DOP1B: variants seen among roughly 807,000 people sequenced by gnomAD.
DOP1B encodes protein DOP1B.
DOP1B carries 174 observed loss-of-function variants against 233.5 expected under a neutral mutation model. That is an observed-to-expected ratio of 0.75 (90% CI 0.66 to 0.85). DOP1B has a LOEUF of 0.85. DOP1B is among the 40% of genes least tolerant of loss of function. DOP1B has a pLI of 0.00. For synonymous variants in DOP1B, 1,190 were observed against 1,185.6 expected (o/e 1.00, Z -0.08); for missense variants, 2,652 against 2,846.6 (o/e 0.93, Z 1.56).
At chr21:36,220,387 A>G (rs1306845109) in intron 10 of DOP1B, among the ~76,000 whole-genome samples, 1 of 152,234 alleles carries the variant, frequency 6.6e-6, no homozygotes, top group Non-Finnish European at 1.5e-5. Context: ...AAACCATAAA[A>G]CATTTTTACT....
intron 27 of DOP1B, 84 bp downstream of exon 27, chr21:36,270,241 A>G: frequency 6.8e-7 from 1 of 1,470,902 alleles, no homozygotes; most frequent in South Asian, 1.3e-5. Context: ...GAGTGTTCTC[A>G]CCACAAAAAG....
At position 36,200,508 on chromosome 21, in the gene DOP1B, G is replaced by C. The variant is rs751780174; in HGVS notation, c.491+7G>C. 5.0e-6 allele frequency: 8 copies of C among 1,599,518 alleles called. No homozygotes were observed. Among genetic ancestry groups the C allele is most frequent in the Non-Finnish European group, 6.8e-6 (8 of 1,174,750 alleles). ...GCTCCGAGATCTCCGACAGGTGCGT[G>C]GGCGTCTTGTCCAGGCTGTGTTTAC... On this transcript the variant is annotated splice_region_variant and intron_variant, in intron 4 of 36. Coordinates refer to ENST00000691173, the MANE Select transcript of DOP1B (RefSeq NM_001320714.2).
Position 36,174,349 on chromosome 21 carries a change from G to A in DOP1B, c.138+9478G>A, listed in dbSNP as rs147180867. Among the ~76,000 whole-genome samples, 18 of 152,276 alleles carry A rather than the reference G, an allele frequency of 1.2e-4. No homozygotes were observed. The East Asian group carries it at 2.5e-3, about 21-fold the overall frequency. Reference sequence around the variant, plus strand: ...CTAAAAATGCAAAAATTAGCCGGGCGTGATGGCAGGCACCTGTAATCCCAG... The same window carrying A: ...CTAAAAATGCAAAAATTAGCCGGGCATGATGGCAGGCACCTGTAATCCCAG... On this transcript the variant is annotated intron_variant, in intron 2 of 36. Coordinates refer to ENST00000691173, the MANE Select transcript of DOP1B (RefSeq NM_001320714.2).
chr21:36,239,038 G>A (rs1280736926), intron 17 of DOP1B, among the ~76,000 whole-genome samples: 2 of 152,142 alleles, frequency 1.3e-5, no homozygotes, highest in Admixed American at 6.5e-5. Context: ...GGGAGGCAAA[G>A]GTTGCAGTGA....
intron 2 of DOP1B, among the ~76,000 whole-genome samples, chr21:36,176,972 C>T (rs1181356195): frequency 1.3e-5 from 2 of 152,178 alleles, no homozygotes; most frequent in Non-Finnish European, 2.9e-5. Context: ...GCATGCGCCA[C>T]CACACCTGGC....
intron 2 of DOP1B, among the ~76,000 whole-genome samples, chr21:36,165,543 C>T (rs1161146267): frequency 2.0e-5 from 3 of 152,046 alleles, no homozygotes; most frequent in Non-Finnish European, 2.9e-5. Flanking sequence ...CGGTACCAGT[C>T]CGTGGCCTAT....
At chr21:36,247,198 C>T (rs2066977397) in intron 19 of DOP1B, among the ~76,000 whole-genome samples, 1 of 152,136 alleles carries the variant, frequency 6.6e-6, no homozygotes, top group Non-Finnish European at 1.5e-5. Flanking sequence ...TATTTCAAAT[C>T]CGCACAGGTA....
chr21:36,288,451 G>A (rs535977574), intron 33 of DOP1B, among the ~76,000 whole-genome samples: 1 of 151,990 alleles, frequency 6.6e-6, no homozygotes, highest in Non-Finnish European at 1.5e-5. Context: ...CCAGCACTTC[G>A]GGAGGCTAAG....
intron 27 of DOP1B, among the ~76,000 whole-genome samples, chr21:36,273,122 T>A (rs1278013257): frequency 6.8e-6 from 1 of 147,398 alleles, no homozygotes; most frequent in African/African-American, 2.5e-5. Flanking sequence ...TAAATAAAAA[T>A]AAGGCCAGGT....
Position 36,245,085 on chromosome 21 carries a change from T to C in DOP1B, c.3105T>C (p.Ser1035=). ...GTTGGTTTAACAGGAAGAAAACCTC[T>C]TTCAGAGAGGCATGCGCAGTGCCCG... The part of the protein sequence containing the change: ...LHRWFNRKKT[S]FREACAVPEP... The change falls in exon 19 of 37, where the codon TCT becomes TCC. Residue 1035 remains serine (S), a synonymous_variant. Coordinates refer to ENST00000691173, the MANE Select transcript of DOP1B (RefSeq NM_001320714.2). This position sits in a 1 kb window ranked among gnomAD's most constrained non-coding sequence, Gnocchi z 5.5. 1 of 1,602,512 alleles carries C rather than the reference T, an allele frequency of 6.2e-7. No homozygotes were observed. The highest frequency in any genetic ancestry group is 8.5e-7 in the Non-Finnish European group (1 of 1,170,636).
intron 12 of DOP1B, among the ~76,000 whole-genome samples, chr21:36,226,134 C>T (rs149413101): frequency 6.6e-6 from 1 of 152,296 alleles, no homozygotes; most frequent in East Asian, 1.9e-4. Flanking sequence ...AATACCGAGC[C>T]TAGCTCTGTG....
At position 36,244,906 on chromosome 21, in the gene DOP1B, C is replaced by T. The variant is rs747458918; in HGVS notation, c.3068-142C>T. The T allele has an allele frequency of 8.9e-6, 7 of 788,160 alleles. No individual in the cohort carries two copies. In the East Asian group the frequency reaches 1.4e-4, roughly 15 times the overall value. The allele number at this position is 788,160 out of a possible 1,614,324, so 48.8% of individuals were successfully genotyped here. ...GTCTACTTTTGTCTGTAATGTAAAC[C>T]GGACTCTGGTGGTGGTGTTTCATGT... On this transcript the variant is annotated intron_variant, in intron 18 of 36. Coordinates refer to ENST00000691173, the MANE Select transcript of DOP1B (RefSeq NM_001320714.2).
intron 2 of DOP1B, among the ~76,000 whole-genome samples, chr21:36,173,720 G>T (rs573460481): frequency 6.6e-6 from 1 of 152,108 alleles, no homozygotes; most frequent in Non-Finnish European, 1.5e-5. Flanking sequence ...GCCGCGCCCG[G>T]CCCAAGAAAA....
chr21:36,266,273 T>C (rs2067229273), intron 26 of DOP1B, among the ~76,000 whole-genome samples: 1 of 152,110 alleles, frequency 6.6e-6, no homozygotes, highest in Admixed American at 6.6e-5. Flanking sequence ...GCCTCCCAGG[T>C]TCAAGCGATT....
intron 32 of DOP1B, among the ~76,000 whole-genome samples, chr21:36,282,958 C>A (rs1163776096): frequency 1.3e-5 from 2 of 151,444 alleles, no homozygotes; most frequent in Non-Finnish European, 2.9e-5. Flanking sequence ...CAGAGAGAGA[C>A]TCCATTGCAA....
chr21:36,248,009 G>A (rs1446563144), intron 20 of DOP1B, among the ~76,000 whole-genome samples: 1 of 152,224 alleles, frequency 6.6e-6, no homozygotes, highest in Non-Finnish European at 1.5e-5. Context: ...TAGGCTTATA[G>A]TCATCTTTTT....
intron 27 of DOP1B, 40 bp from the exon 28 acceptor site, chr21:36,276,981 C>A (rs2146242807): frequency 6.2e-7 from 1 of 1,604,180 alleles, no homozygotes; most frequent in Non-Finnish European, 8.5e-7. Flanking sequence ...GGTGACCCAT[C>A]CATCATAGTT....
At position 36,214,067 on chromosome 21, in the gene DOP1B, T is replaced by A. The variant is rs750614157; in HGVS notation, c.905-14T>A. ...CACAGCTCTCTTTACAGCTCGGCGC[T>A]TGTTCTTTTGTAGGCTCAGACATAA... On this transcript the variant is annotated splice_polypyrimidine_tract_variant and intron_variant, in intron 7 of 36. Transcript: ENST00000691173. The A allele has an allele frequency of 6.3e-7, 1 of 1,595,548 alleles. No homozygotes were observed. The highest frequency in any genetic ancestry group is 2.2e-5 in the East Asian group (1 of 44,780).
At chr21:36,290,427 A>G (rs2067542451) in intron 35 of DOP1B, among the ~76,000 whole-genome samples, 1 of 151,988 alleles carries the variant, frequency 6.6e-6, no homozygotes, top group African/African-American at 2.4e-5. Flanking sequence ...TTGGGAGGCC[A>G]AGGTGGGTGG....
Sources: gnomAD v4.1 joint callset for allele counts (sites outside exome capture counted in the v4.1 genomes callset) on GRCh38, gnomAD v4.1.1 for gene constraint, Gnocchi (gnomAD v3.1) non-coding constraint, MANE v1.5 for transcripts, NCBI Gene and HGNC (gene_info 2026-07-23, HGNC 2026-07-21) for gene names.